Variants in WASF3 observed in about 807,000 individuals in gnomAD.
WASF3 encodes the protein actin-binding protein WASF3.
Under a neutral mutation model 46.6 loss-of-function variants are expected in WASF3, and 11 were observed. That is an observed-to-expected ratio of 0.24 (90% CI 0.15 to 0.39). WASF3 has a LOEUF of 0.39. Ranked by LOEUF, WASF3 falls within the 10% of genes least tolerant of loss-of-function variation. The pLI is 1.00. For synonymous variants in WASF3, 242 were observed against 259.7 expected (o/e 0.93, Z 0.65); for missense variants, 576 against 669.8 (o/e 0.86, Z 1.55).
intron 3 of WASF3, among the ~76,000 whole-genome samples, chr13:26,653,680 C>G (rs577848972): frequency 4.6e-4 from 70 of 152,334 alleles, no homozygotes; most frequent in African/African-American, 1.2e-3. Flanking sequence ...ATCTTCCCCA[C>G]TTGGCTCTTC....
chr13:26,565,617 C>A (rs1016758197), intron 1 of WASF3, among the ~76,000 whole-genome samples: 12 of 152,206 alleles, frequency 7.9e-5, no homozygotes, highest in African/African-American at 2.7e-4. Flanking sequence ...CAGAAATACA[C>A]AGTAACCCCC....
the WASF3 span, among the ~76,000 whole-genome samples, chr13:26,543,155 G>A: frequency 3.3e-5 from 5 of 152,128 alleles, no homozygotes; most frequent in Admixed American, 3.3e-4. Context: ...TGGTGGGGAC[G>A]TGGAGGTGGT....
intron 2 of WASF3, among the ~76,000 whole-genome samples, chr13:26,637,101 C>T (rs914292463): frequency 6.6e-6 from 1 of 152,208 alleles, no homozygotes; most frequent in African/African-American, 2.4e-5. Context: ...TCTTTCCTCT[C>T]TTAGGCCCAG....
At chr13:26,625,948 A>G (rs1356298589) in intron 2 of WASF3, 1 of 152,236 alleles carries the variant, frequency 6.6e-6, no homozygotes, top group Non-Finnish European at 1.5e-5. Flanking sequence ...CATCATAACA[A>G]ATAACTGAAA....
chr13:26,601,503 TA>T (rs1464868127), intron 1 of WASF3, among the ~76,000 whole-genome samples: 3 of 152,168 alleles, frequency 2.0e-5, no homozygotes, highest in African/African-American at 2.4e-5. Flanking sequence ...ATGGAGAGGA[TA>T]GGGGCAGAAT....
intron 5 of WASF3, among the ~76,000 whole-genome samples, chr13:26,671,478 G>A (rs1189224877): frequency 6.6e-6 from 1 of 152,174 alleles, no homozygotes; most frequent in African/African-American, 2.4e-5. Flanking sequence ...AAGCTCCAGT[G>A]TAGAAGTGAA....
chr13:26,541,691 C>G, the WASF3 span, among the ~76,000 whole-genome samples: 1 of 151,930 alleles, frequency 6.6e-6, no homozygotes, highest in Non-Finnish European at 1.5e-5. Context: ...CTATGTTGAC[C>G]AGGCTGGTAT....
intron 1 of WASF3, among the ~76,000 whole-genome samples, chr13:26,564,900 GTTTT>G (rs66809412): frequency 3.7e-5 from 3 of 81,634 alleles, no homozygotes; most frequent in Non-Finnish European, 6.7e-5. Flanking sequence ...CAAGGTTGTG[GTTTT>G]TTTTTTTTTT....
intron 2 of WASF3, among the ~76,000 whole-genome samples, chr13:26,638,915 TAA>T (rs1303066297): frequency 1.3e-5 from 2 of 152,180 alleles, no homozygotes; most frequent in Admixed American, 1.3e-4. Context: ...GGTGGGTGGT[TAA>T]AAAGAGTCTG....
intron 3 of WASF3, among the ~76,000 whole-genome samples, chr13:26,646,092 A>G (rs1882142836): frequency 6.6e-6 from 1 of 152,242 alleles, no homozygotes. Context: ...ACATGATTAT[A>G]AAGTAGGAAA....
chr13:26,543,658 T>C, the WASF3 span, among the ~76,000 whole-genome samples: 1 of 152,098 alleles, frequency 6.6e-6, no homozygotes, highest in African/African-American at 2.4e-5. Flanking sequence ...CTTCACAGGG[T>C]GTAGAGAACA....
chr13:26,673,147 G>T (rs1206045098), intron 6 of WASF3, among the ~76,000 whole-genome samples: 5 of 152,100 alleles, frequency 3.3e-5, no homozygotes. Flanking sequence ...AAATGCTGGG[G>T]CTTACCTGCC....
At position 26,627,317 on chromosome 13, in the gene WASF3, C is replaced by T. The variant is rs189857504; in HGVS notation, c.-11+14259C>T. Among the ~76,000 whole-genome samples the T allele has an allele frequency of 9.4e-4, 143 of 151,854 alleles. 1 individual carries two copies. Among genetic ancestry groups the T allele is most frequent in the East Asian group, 3.7e-3 (19 of 5,154 alleles). The stretch of plus-strand genomic sequence containing the variant: ...GCCTCTCAACAACCTGTAAGGCAGG[C>T]AGGGAAGGTGTAACTAGTATTACTG... On this transcript the variant is annotated intron_variant, in intron 2 of 9. Coordinates refer to ENST00000335327, the MANE Select transcript of WASF3 (RefSeq NM_006646.6).
intron 2 of WASF3, among the ~76,000 whole-genome samples, chr13:26,627,449 A>G (rs979482518): frequency 1.3e-5 from 2 of 152,134 alleles, no homozygotes; most frequent in Non-Finnish European, 2.9e-5. Context: ...TCCTGTAACT[A>G]ATATCCTCAA....
chr13:26,660,586 C>T (rs1428998791), intron 3 of WASF3, among the ~76,000 whole-genome samples: 1 of 151,876 alleles, frequency 6.6e-6, no homozygotes, highest in Non-Finnish European at 1.5e-5. Flanking sequence ...ATGGGGTACT[C>T]TGGGGAAGCT....
chr13:26,578,824 G>A (rs1238147520), intron 1 of WASF3, among the ~76,000 whole-genome samples: 2 of 151,776 alleles, frequency 1.3e-5, no homozygotes, highest in Non-Finnish European at 2.9e-5. Flanking sequence ...TATTGTTCTT[G>A]ATATCATTTA....
chr13:26,589,744 G>A (rs1412997962), intron 1 of WASF3, among the ~76,000 whole-genome samples: 1 of 152,112 alleles, frequency 6.6e-6, no homozygotes, highest in African/African-American at 2.4e-5. Flanking sequence ...TGTAGTTTGG[G>A]GTGTAGGATA....
intron 4 of WASF3, among the ~76,000 whole-genome samples, chr13:26,666,218 A>G (rs1180526103): frequency 6.6e-6 from 1 of 152,206 alleles, no homozygotes; most frequent in Non-Finnish European, 1.5e-5. Flanking sequence ...CTGTTCAGGT[A>G]AGGAATTCTT....
At chr13:26,553,370 G>T (rs1879010124), upstream of WASF3, among the ~76,000 whole-genome samples, 1 of 151,974 alleles carries the variant, frequency 6.6e-6, no homozygotes, top group African/African-American at 2.4e-5. Flanking sequence ...GGAGTTACAG[G>T]TATCGAGTCT....
Sources: allele counts gnomAD v4.1 joint callset (sites outside exome capture counted in the v4.1 genomes callset), GRCh38; gene constraint gnomAD v4.1.1; transcripts MANE v1.5; gene names NCBI Gene and HGNC (gene_info 2026-07-23, HGNC 2026-07-21).